RNF38: variants seen among roughly 807,000 people sequenced by gnomAD.
RNF38 encodes ring finger protein 38.
A neutral mutation model predicts 67.2 loss-of-function variants in RNF38; 15 were observed. The observed-to-expected ratio is 0.22, with a 90% CI of 0.15 to 0.34. The LOEUF is 0.34. Among genes scored for constraint, RNF38 ranks in the 10% least tolerant of loss-of-function variants. The probability of loss-of-function intolerance (pLI) is 1.00; values close to 1 mark genes in which losing one functional copy is unlikely to be tolerated. For synonymous variants in RNF38, 220 were observed against 218.8 expected, an observed-to-expected ratio of 1.01 and a Z score of -0.05; for missense variants, 524 against 639.9, an observed-to-expected ratio of 0.82 and a Z score of 1.95.
chr9:36,353,212 G>T lies in RNF38; in HGVS notation c.1029C>A (p.Phe343Leu), dbSNP rs922309497. 2 of 1,613,942 alleles carry T rather than the reference G, an allele frequency of 1.2e-6. No individual in the cohort carries two copies. Among genetic ancestry groups the T allele is most frequent in the Admixed American group, 3.3e-5 (2 of 59,992 alleles). The change falls in exon 7 of 12, where the codon TTC becomes TTA. Residue 343 changes from phenylalanine (F) to leucine (L), a missense_variant. By Grantham distance (22) the Phe-to-Leu change is conservative. Around this residue, in one of 2 missense-constraint regions of RNF38, gnomAD observed 461 missense variants for 517.4 expected, o/e 0.89. Transcript: ENST00000259605. ...PTLPPSAPLQ[F>L]LTHDPLHQEV... ...CCTGATGCAAAGGATCATGTGTTAA[G>T]AACTGCAAGGGAGCTGATGGAGGTA...
intron 8 of RNF38, 98 bp downstream of exon 8, chr9:36,352,644 T>TAA: frequency 1.1e-6 from 1 of 927,786 alleles, no homozygotes; most frequent in Non-Finnish European, 1.7e-6. Flanking sequence ...GACAAATAAC[T>TAA]AACACACCAA....
At chr9:36,385,007 A>T (rs1024216794) in intron 2 of RNF38, among the ~76,000 whole-genome samples, 4 of 152,234 alleles carry the variant, frequency 2.6e-5, no homozygotes, top group African/African-American at 9.6e-5. Context: ...CATCGAGCTG[A>T]TCCTCTTACA....
Position 36,390,612 on chromosome 9 carries a change from G to C in RNF38, c.17C>G (p.Ser6Cys), listed in dbSNP as rs759498172. Reference sequence around the variant, plus strand: ...TAGAGATGCTGAATTGGCCCCGGGAGATATCTGGGAAAAAGAGGAAGAAAA... The same window carrying C: ...TAGAGATGCTGAATTGGCCCCGGGACATATCTGGGAAAAAGAGGAAGAAAA... MACKI[S>C]PGANSASLPG... is the part of the protein sequence containing the mutation. Residue 6 changes from serine (S) to cysteine (C), a missense_variant, in exon 2 of 12, where the codon TCT becomes TGT. By Grantham distance (112) the Ser-to-Cys change is moderately radical. This residue lies in a region of RNF38 where 461 missense variants were observed against 517.4 expected (regional missense o/e 0.89). Coordinates refer to ENST00000259605, the MANE Select transcript of RNF38 (RefSeq NM_022781.5). The C allele has an allele frequency of 2.5e-6, 4 of 1,613,858 alleles. No homozygotes were observed. The highest frequency in any genetic ancestry group is 4.5e-5 in the East Asian group (2 of 44,882).
intron 9 of RNF38, among the ~76,000 whole-genome samples, chr9:36,348,023 C>T (rs1167768592): frequency 2.6e-5 from 4 of 152,092 alleles, no homozygotes; most frequent in African/African-American, 9.7e-5. Context: ...TTGCAGTGAG[C>T]CGAGATTGCG....
chr9:36,449,035 C>A lies in RNF38; in HGVS notation n.242-24352G>T, dbSNP rs75782793. 8.5e-5 allele frequency among the ~76,000 whole-genome samples: 13 copies of A among 152,174 alleles called. No homozygotes were observed. The East Asian group carries it at 2.5e-3, about 30-fold the overall frequency. ...AAAGAAAGAAAGAAAGAAATAGACC[C>A]AAACTATAAACCAGTTAAAACATAC... On this transcript the variant is annotated intron_variant and non_coding_transcript_variant, in intron 1 of 3. Transcript: ENST00000488058.
intron 4 of RNF38, among the ~76,000 whole-genome samples, chr9:36,361,773 C>T (rs2133652002): frequency 6.6e-6 from 1 of 152,190 alleles, no homozygotes; most frequent in African/African-American, 2.4e-5. Context: ...ATAAAAGAAA[C>T]AAAAGCTACT....
upstream of RNF38, among the ~76,000 whole-genome samples, chr9:36,401,457 C>A (rs1838030612): frequency 1.3e-5 from 2 of 152,200 alleles, no homozygotes; most frequent in African/African-American, 4.8e-5. Context: ...AGCATAAATG[C>A]ATTCACGTGG....
intron 2 of RNF38, among the ~76,000 whole-genome samples, chr9:36,416,939 A>G (rs1838490635): frequency 6.6e-6 from 1 of 151,818 alleles, no homozygotes; most frequent in African/African-American, 2.4e-5. Flanking sequence ...TTTAGTAGAG[A>G]TAGGATTTCG....
intron 1 of RNF38, among the ~76,000 whole-genome samples, chr9:36,440,063 T>G (rs374610346): frequency 1.3e-5 from 2 of 151,968 alleles, no homozygotes; most frequent in Non-Finnish European, 2.9e-5. Context: ...CTGGCCAACA[T>G]GGTGAAACCC....
intron 9 of RNF38, among the ~76,000 whole-genome samples, chr9:36,349,934 T>TC (rs953855390): frequency 2.6e-5 from 4 of 152,058 alleles, no homozygotes; most frequent in African/African-American, 9.7e-5. Context: ...CACTGCAGCC[T>TC]CCCCCTCCCG....
intron 1 of RNF38, among the ~76,000 whole-genome samples, chr9:36,437,826 G>A (rs1390846808): frequency 6.6e-6 from 1 of 152,218 alleles, no homozygotes; most frequent in African/African-American, 2.4e-5. Context: ...TCTTAAAAGA[G>A]GAGGAAGAAG....
chr9:36,437,575 A>T (rs1441737666), intron 1 of RNF38, among the ~76,000 whole-genome samples: 1 of 151,458 alleles, frequency 6.6e-6, no homozygotes, highest in Non-Finnish European at 1.5e-5. Context: ...AAAAAAAAGA[A>T]GAGGCGCAGA....
rs571464974 is a variant in RNF38, at chr9:36,438,777, T to C, written n.242-14094A>G. ...TTACCCAGCTGAATAGGTGAGAGAC[T>C]TGACATCTTCCCCTGCTCGGGAAGA... On this transcript the variant is annotated intron_variant and non_coding_transcript_variant, in intron 1 of 3. Coordinates refer to the RNF38 transcript ENST00000488058. 2.2e-4 allele frequency among the ~76,000 whole-genome samples: 33 copies of C among 152,342 alleles called. 1 individual carries two copies. Among genetic ancestry groups the C allele is most frequent in the South Asian group, 1.9e-3 (9 of 4,828 alleles).
chr9:36,480,548 C>CTTTTTTTTTTTTTTTTT (rs3072687), intron 1 of RNF38, among the ~76,000 whole-genome samples: 5 of 100,822 alleles, frequency 5.0e-5, no homozygotes, highest in Admixed American at 2.6e-4. Context: ...TTTTCTTTTT[C>CTTTTTTTTTTTTTTTTT]TTTTTTTTTT....
intron 2 of RNF38, among the ~76,000 whole-genome samples, chr9:36,379,174 A>C (rs1197195519): frequency 6.6e-6 from 1 of 152,224 alleles, no homozygotes; most frequent in East Asian, 1.9e-4. Context: ...TGTTGGGATT[A>C]CAGGCGTGAG....
chr9:36,355,570 C>T (rs200632492), intron 6 of RNF38, among the ~76,000 whole-genome samples: 1 of 152,034 alleles, frequency 6.6e-6, no homozygotes, highest in East Asian at 1.9e-4. Context: ...TAAATGAATA[C>T]AAATATTATT....
At chr9:36,427,657 CTCTA>C (rs146556210) in intron 1 of RNF38, among the ~76,000 whole-genome samples, 12,723 of 147,040 alleles carry the variant, frequency 0.087, 813 homozygotes, top group African/African-American at 0.18. Context: ...ATTTCCCAGC[CTCTA>C]TCTATCTATC....
intron 1 of RNF38, among the ~76,000 whole-genome samples, chr9:36,466,660 A>T (rs915781066): frequency 6.6e-6 from 1 of 152,212 alleles, no homozygotes; most frequent in Admixed American, 6.5e-5. Flanking sequence ...AAAGTGGGAA[A>T]AAAGCAAGTT....
chr9:36,403,288 C>G (rs1312387008), upstream of RNF38, among the ~76,000 whole-genome samples: 2 of 152,116 alleles, frequency 1.3e-5, no homozygotes, highest in Non-Finnish European at 2.9e-5. Flanking sequence ...GTGGAAAGTC[C>G]CACTGCAGAA....
Sources: allele counts gnomAD v4.1 joint callset (sites outside exome capture counted in the v4.1 genomes callset), GRCh38; gene constraint gnomAD v4.1.1; regional missense constraint gnomAD v4.1.1; transcripts MANE v1.5; gene names NCBI Gene and HGNC (gene_info 2026-07-23, HGNC 2026-07-21).